The following NRG3 variants were observed in gnomAD, a reference collection of about 807,000 sequenced individuals.
NRG3 encodes neuregulin 3.
Under a neutral mutation model 66.9 loss-of-function variants are expected in NRG3, and 31 were observed. That is an observed-to-expected ratio of 0.46 (90% CI 0.35 to 0.63). The LOEUF is 0.63. Among genes scored for constraint, NRG3 ranks in the 20% least tolerant of loss-of-function variants. NRG3 has a pLI of 0.00. For synonymous variants in NRG3, 393 were observed against 359.4 expected (o/e 1.09, Z -1.06); for missense variants, 910 against 878.9 (o/e 1.04, Z -0.45).
chr10:82,140,309 T>G (rs1005630740), intron 1 of NRG3, among the ~76,000 whole-genome samples: 2 of 152,148 alleles, frequency 1.3e-5, no homozygotes, highest in African/African-American at 2.4e-5. Flanking sequence ...TTTTCTCAGC[T>G]CTAGAAAAGT....
chr10:82,626,901 A>G lies in NRG3; in HGVS notation c.954-111676A>G, dbSNP rs527760894. Reference sequence around the variant, plus strand: ...AACATAGGTCATGCTAGTTTCCTGTAATATTTTCCTCCTGCTCAAATCTGG... The same window carrying G: ...AACATAGGTCATGCTAGTTTCCTGTGATATTTTCCTCCTGCTCAAATCTGG... On this transcript the variant is annotated intron_variant, in intron 2 of 8. Coordinates refer to ENST00000372141, the MANE Select transcript of NRG3 (RefSeq NM_001010848.4). 2.6e-5 allele frequency among the ~76,000 whole-genome samples: 4 copies of G among 152,208 alleles called. No homozygotes were observed. The East Asian group carries it at 7.7e-4, about 29-fold the overall frequency.
intron 1 of NRG3, among the ~76,000 whole-genome samples, chr10:82,260,064 C>T (rs958691209): frequency 7.9e-5 from 12 of 152,176 alleles, no homozygotes; most frequent in South Asian, 2.1e-4. Context: ...CCACAAAATA[C>T]GCATTCATTT....
chr10:81,998,125 A>G (rs1435836225), intron 1 of NRG3, among the ~76,000 whole-genome samples: 2 of 152,126 alleles, frequency 1.3e-5, no homozygotes, highest in Non-Finnish European at 2.9e-5. Context: ...AGAGCTTGAC[A>G]GTTGCAAGGA....
chr10:82,546,167 A>G (rs192833388), intron 2 of NRG3, among the ~76,000 whole-genome samples: 1 of 152,310 alleles, frequency 6.6e-6, no homozygotes, highest in Non-Finnish European at 1.5e-5. Flanking sequence ...TTGAAAGTGC[A>G]TAACAAAATC....
At chr10:82,246,070 T>C (rs2077231054) in intron 1 of NRG3, among the ~76,000 whole-genome samples, 1 of 150,202 alleles carries the variant, frequency 6.7e-6, no homozygotes, top group Non-Finnish European at 1.5e-5. Context: ...GAATGAGAGC[T>C]AGAGGATAAG....
intron 6 of NRG3, among the ~76,000 whole-genome samples, chr10:82,969,009 T>G (rs1851478958): frequency 6.6e-6 from 1 of 152,098 alleles, no homozygotes; most frequent in African/African-American, 2.4e-5. Context: ...TTCACTACCA[T>G]GAGAACAGTA....
chr10:82,019,852 C>T (rs1013581032), intron 1 of NRG3, among the ~76,000 whole-genome samples: 3 of 151,840 alleles, frequency 2.0e-5, no homozygotes, highest in African/African-American at 4.8e-5. Flanking sequence ...GTCTTGCTAG[C>T]GGTCTATCAA....
intron 2 of NRG3, among the ~76,000 whole-genome samples, chr10:82,475,423 A>G (rs1038162049): frequency 1.3e-5 from 2 of 152,108 alleles, no homozygotes; most frequent in African/African-American, 4.8e-5. Flanking sequence ...GAAAATCTGA[A>G]TGGACATATA....
At chr10:81,928,835 AT>A (rs368605928) in intron 1 of NRG3, among the ~76,000 whole-genome samples, 1,618 of 151,634 alleles carry the variant, frequency 0.011, 27 homozygotes, top group African/African-American at 0.037. Context: ...TTAAAGAACA[AT>A]TTTTTTTTGA....
chr10:82,358,071 T>C (rs1293337000), intron 1 of NRG3, among the ~76,000 whole-genome samples: 1 of 152,220 alleles, frequency 6.6e-6, no homozygotes, highest in Non-Finnish European at 1.5e-5. Context: ...GATGTATAAC[T>C]TAATTTGAAA....
chr10:82,044,408 A>G (rs2063173952), intron 1 of NRG3, among the ~76,000 whole-genome samples: 1 of 151,928 alleles, frequency 6.6e-6, no homozygotes, highest in African/African-American at 2.4e-5. Flanking sequence ...TAGACATGCC[A>G]ACAAAACTAA....
At position 82,374,208 on chromosome 10, in the gene NRG3, T is replaced by C. The variant is rs73316141; in HGVS notation, c.953+15340T>C. On this transcript the variant is annotated intron_variant, in intron 2 of 8. Transcript: ENST00000372141. ...CCAAGGCAAAAGCTTACACCCTTTC[T>C]ACACTGCTTCATAATTGCCTACCTT... is the stretch of plus-strand genomic sequence containing the variant. Among the ~76,000 whole-genome samples, 819 of 152,336 alleles carry C rather than the reference T, an allele frequency of 5.4e-3. 8 individuals carry two copies. Among genetic ancestry groups the C allele is most frequent in the African/African-American group, 0.019 (792 of 41,580 alleles).
At chr10:82,981,083 C>T (rs12763193) in intron 8 of NRG3, among the ~76,000 whole-genome samples, 57,901 of 152,024 alleles carry the variant, frequency 0.38, 11,868 homozygotes, top group Middle Eastern at 0.48. Context: ...CTGTTATGAC[C>T]ATCTTTCCAT....
At chr10:82,709,375 T>TG (rs1555007921) in intron 2 of NRG3, among the ~76,000 whole-genome samples, 524 of 148,430 alleles carry the variant, frequency 3.5e-3, no homozygotes, top group Middle Eastern at 0.01. Flanking sequence ...TGTTTTTGTT[T>TG]TTTGTTTGTT....
chr10:82,218,657 G>A (rs1287568075), intron 1 of NRG3, among the ~76,000 whole-genome samples: 4 of 152,062 alleles, frequency 2.6e-5, no homozygotes, highest in African/African-American at 9.7e-5. Flanking sequence ...CTCAGGGTGG[G>A]ATTTTCATGA....
chr10:82,165,643 T>C (rs1187289540), intron 1 of NRG3, among the ~76,000 whole-genome samples: 1 of 151,972 alleles, frequency 6.6e-6, no homozygotes, highest in Admixed American at 6.5e-5. Context: ...ATATATTACA[T>C]ACTTGTTTTC....
At chr10:82,469,606 C>T (rs1428276025) in intron 2 of NRG3, among the ~76,000 whole-genome samples, 3 of 152,150 alleles carry the variant, frequency 2.0e-5, no homozygotes, top group Non-Finnish European at 4.4e-5. Context: ...AGTGGGTATG[C>T]ATGGCATATC....
chr10:82,639,966 A>G (rs558479880), intron 2 of NRG3, among the ~76,000 whole-genome samples: 16 of 151,738 alleles, frequency 1.1e-4, no homozygotes, highest in Admixed American at 3.3e-4. Flanking sequence ...GTTCCCCTCT[A>G]TGTGTCCATG....
intron 3 of NRG3, among the ~76,000 whole-genome samples, chr10:82,851,333 A>T (rs1396178428): frequency 1.3e-5 from 2 of 152,210 alleles, no homozygotes; most frequent in East Asian, 3.9e-4. Flanking sequence ...GGTTGGGCAG[A>T]TTCTCTGTGG....
Sources: gnomAD v4.1 joint callset for allele counts (sites outside exome capture counted in the v4.1 genomes callset) on GRCh38, gnomAD v4.1.1 for gene constraint, MANE v1.5 for transcripts, NCBI Gene and HGNC (gene_info 2026-07-23, HGNC 2026-07-21) for gene names.